The following PRKDC variants were observed in gnomAD, a reference collection of about 807,000 sequenced individuals.
The protein encoded by PRKDC is protein kinase, DNA-activated, catalytic subunit, also known as DNA-dependent protein kinase catalytic subunit.
A neutral mutation model predicts 486.9 loss-of-function variants in PRKDC; 82 were observed. The observed-to-expected ratio is 0.17, with a 90% CI of 0.14 to 0.20. The LOEUF (loss-of-function observed/expected upper bound fraction) is 0.20, where lower values mean the gene tolerates loss of function less well. Ranked by LOEUF, PRKDC falls within the 10% of genes least tolerant of loss-of-function variation. The probability of loss-of-function intolerance (pLI) is 1.00; values close to 1 mark genes in which losing one functional copy is unlikely to be tolerated. For missense variants in PRKDC, 4,504 were observed against 5,038.2 expected, an observed-to-expected ratio of 0.89 and a Z score of 3.21; for synonymous variants, 1,895 against 1,837.0, an observed-to-expected ratio of 1.03 and a Z score of -0.81.
chr8:47,932,693 T>C (rs1409920715), intron 16 of PRKDC, among the ~76,000 whole-genome samples: 1 of 152,228 alleles, frequency 6.6e-6, no homozygotes, highest in East Asian at 1.9e-4. Context: ...CAGGTTTCCC[T>C]ATCCCATACA....
chr8:47,846,293 G>T (rs2088261503), intron 54 of PRKDC, among the ~76,000 whole-genome samples: 1 of 151,846 alleles, frequency 6.6e-6, no homozygotes, highest in African/African-American at 2.4e-5. Flanking sequence ...GCATGTGCCT[G>T]TAATCCCACT....
chr8:47,814,173 T>C (rs2087392359), intron 68 of PRKDC, among the ~76,000 whole-genome samples: 2 of 152,236 alleles, frequency 1.3e-5, no homozygotes, highest in Admixed American at 1.3e-4. Flanking sequence ...AAATTCGACA[T>C]TCATTCATGA....
At chr8:47,925,065 C>T (rs2090135694) in intron 21 of PRKDC, among the ~76,000 whole-genome samples, 1 of 152,220 alleles carries the variant, frequency 6.6e-6, no homozygotes, top group South Asian at 2.1e-4. Flanking sequence ...CATGCCAGGC[C>T]ACCCCATGGG....
chr8:47,857,530 T>A, intron 48 of PRKDC, among the ~76,000 whole-genome samples: 1 of 152,074 alleles, frequency 6.6e-6, no homozygotes, highest in East Asian at 1.9e-4. Context: ...AGGGGGAAGA[T>A]GAGGTGAAGA....
At chr8:47,882,601 C>A (rs939263761) in intron 36 of PRKDC, among the ~76,000 whole-genome samples, 11 of 152,298 alleles carry the variant, frequency 7.2e-5, no homozygotes, top group East Asian at 3.9e-4. Context: ...CACAGGTGTA[C>A]ACACACAAGC....
At chr8:47,916,813 A>C (rs891209206) in intron 22 of PRKDC, among the ~76,000 whole-genome samples, 1 of 152,206 alleles carries the variant, frequency 6.6e-6, no homozygotes, top group African/African-American at 2.4e-5. Context: ...ATCTGTGCTC[A>C]GAGTCAACGC....
At position 47,835,390 on chromosome 8, in the gene PRKDC, G is replaced by A. The variant is rs189660609; in HGVS notation, c.7951+948C>T. Among the ~76,000 whole-genome samples the A allele has an allele frequency of 2.9e-3, 438 of 152,000 alleles. 5 individuals are homozygous for A. The highest frequency in any genetic ancestry group is 0.018 in the South Asian group (86 of 4,824). On this transcript the variant is annotated intron_variant, in intron 58 of 85. Transcript: ENST00000314191. ...AAAATTGTAGCAAAACAGGCTGGGC[G>A]TGGTGGCTCACAAGGTCAGGATATC...
rs370889067 is a variant in PRKDC at position 47,803,442 on chromosome 8, C to T, written c.9786G>A (p.Leu3262=). ...FSLAMKLLKE[L]HKESKTRDDW... ...CGTCTCTGGTTTTTGACTCTTTATG[C>T]AGCTCCTTCAGTAGTTTCATAGCAA... The change falls in exon 70 of 86, where the codon CTG becomes CTA. Residue 3262 remains leucine (L), a synonymous_variant. Transcript: ENST00000314191. The T allele has an allele frequency of 6.8e-6, 11 of 1,613,858 alleles. No homozygotes were observed. In the African/African-American group the frequency reaches 1.5e-4, roughly 22 times the overall value.
At chr8:47,779,836 C>T (rs2086668706) in intron 80 of PRKDC, among the ~76,000 whole-genome samples, 1 of 152,068 alleles carries the variant, frequency 6.6e-6, no homozygotes, top group South Asian at 2.1e-4. Flanking sequence ...GATCCGCCCG[C>T]CTCGGCCTCC....
chr8:47,781,780 C>T (rs1048459662), intron 80 of PRKDC, among the ~76,000 whole-genome samples: 2 of 152,154 alleles, frequency 1.3e-5, no homozygotes, highest in African/African-American at 4.8e-5. Context: ...CCTCAGCTTC[C>T]TCATCTGTAT....
intron 48 of PRKDC, 38 bp from the exon 49 acceptor site, chr8:47,857,337 T>TC (rs767073304): frequency 2.5e-4 from 395 of 1,576,790 alleles, no homozygotes; most frequent in Non-Finnish European, 3.3e-4. Flanking sequence ...CAAAGAATGG[T>TC]CTTAAATTGC....
At chr8:47,863,017 T>C (rs1280503802) in intron 42 of PRKDC, among the ~76,000 whole-genome samples, 4 of 152,258 alleles carry the variant, frequency 2.6e-5, no homozygotes, top group Non-Finnish European at 5.9e-5. Flanking sequence ...TTTTGTATTG[T>C]TTAGAATGCC....
At chr8:47,867,409 T>C (rs1045246776) in intron 40 of PRKDC, among the ~76,000 whole-genome samples, 4 of 152,212 alleles carry the variant, frequency 2.6e-5, no homozygotes, top group Non-Finnish European at 4.4e-5. Flanking sequence ...GCACTACTAA[T>C]TGGTGTAATA....
chr8:47,856,490 A>G (rs2088542815), intron 49 of PRKDC, among the ~76,000 whole-genome samples: 1 of 152,196 alleles, frequency 6.6e-6, no homozygotes, highest in African/African-American at 2.4e-5. Flanking sequence ...TTGGTCTCCC[A>G]AAGTGCTGGG....
chr8:47,776,763 C>A (rs1181803130), intron 85 of PRKDC, 81 bp downstream of exon 85: 2 of 1,522,002 alleles, frequency 1.3e-6, no homozygotes, highest in African/African-American at 2.8e-5. Flanking sequence ...AAGAGCTCAG[C>A]ACTTTGTATA....
intron 61 of PRKDC, 73 bp from the exon 62 acceptor site, chr8:47,828,420 G>T: frequency 1.6e-6 from 2 of 1,280,326 alleles, no homozygotes; most frequent in Non-Finnish European, 2.1e-6. Flanking sequence ...TACTATCAGA[G>T]CTTGGAAAAT....
At chr8:47,800,705 CATCCTTAT>C in intron 71 of PRKDC, 80 bp downstream of exon 71, 1 of 1,203,360 alleles carries the variant, frequency 8.3e-7, no homozygotes, top group Non-Finnish European at 1.1e-6. Flanking sequence ...CACAAAGCAA[CATCCTTAT>C]TATTACTTTC....
In PRKDC at chr8:47,816,105, T is replaced by C. The variant is rs948063118; in HGVS notation, c.9557+1345A>G. Among the ~76,000 whole-genome samples the C allele has an allele frequency of 4.6e-5, 7 of 152,044 alleles. No homozygotes were observed. In the East Asian group the frequency reaches 5.8e-4, roughly 13 times the overall value. ...AGTGCGTGCCTGTAATCCCAGCTAC[T>C]TGGGGGGTTGAGGCAGGAGAATCGC... On this transcript the variant is annotated intron_variant, in intron 68 of 85. Transcript: ENST00000314191.
rs777164020 is a variant in PRKDC at position 47,939,593 on chromosome 8, C to T, written c.1071G>A (p.Lys357=). ...ATCCACGGATAGCAATAGATAACTCCTTGTTGTTCGAATCCACATTTCTGA... is the reference window on the plus strand; with the variant it reads ...ATCCACGGATAGCAATAGATAACTCTTTGTTGTTCGAATCCACATTTCTGA... ...GIIRNVDSNN[K]ELSIAIRGYG... The change falls in exon 11 of 86, where the codon AAG becomes AAA. Residue 357 remains lysine (K), a synonymous_variant. Coordinates refer to ENST00000314191, the MANE Select transcript of PRKDC (RefSeq NM_006904.7). 6.2e-7 allele frequency: 1 copy of T among 1,613,614 alleles called. No individual in the cohort carries two copies. Among genetic ancestry groups the T allele is most frequent in the South Asian group, 1.1e-5 (1 of 91,052 alleles).
Sources: gnomAD v4.1 joint callset for allele counts (sites outside exome capture counted in the v4.1 genomes callset) on GRCh38, gnomAD v4.1.1 for gene constraint, MANE v1.5 for transcripts, NCBI Gene and HGNC (gene_info 2026-07-23, HGNC 2026-07-21) for gene names.